Variants in RS1 observed in about 807,000 individuals in gnomAD.
RS1 encodes retinoschisin.
In RS1, 2 loss-of-function variants were observed where a neutral mutation model predicts 20.8. The ratio of observed to expected loss-of-function variants is 0.10; its 90% CI spans 0.04 to 0.30. The LOEUF is 0.30. Ranked by LOEUF, RS1 falls within the 10% of genes least tolerant of loss-of-function variation. The probability of loss-of-function intolerance (pLI) is 1.00; values close to 1 mark genes in which losing one functional copy is unlikely to be tolerated. For synonymous variants in RS1, 70 were observed against 75.8 expected (o/e 0.92, Z 0.40); for missense variants, 151 against 189.8 (o/e 0.80, Z 1.20).
chrX:18,671,638 C>T (rs1480722110), intron 1 of RS1, among the ~76,000 whole-genome samples: 1 of 111,899 alleles, frequency 8.9e-6, no homozygotes, highest in East Asian at 2.8e-4. Context: ...TTAATAGCAT[C>T]GTCCTCCACC....
Position 18,641,987 on chromosome X carries a change from C to T in RS1, c.*17G>A, listed in dbSNP as rs1002230951. On this transcript the variant is annotated 3_prime_UTR_variant, in exon 6 of 6. Coordinates refer to ENST00000379984, the MANE Select transcript of RS1 (RefSeq NM_000330.4). ...TGTGCCAGTCACCCCCTGGCAGGCG[C>T]CGAGCTGAGGCAGGCATCAGGCACA... 5.0e-6 allele frequency: 6 copies of T among 1,208,831 alleles called. No homozygotes were observed. The Admixed American group carries it at 1.3e-4, about 26-fold the overall frequency.
intron 3 of RS1, among the ~76,000 whole-genome samples, chrX:18,651,361 A>T (rs1295419643): frequency 9.1e-6 from 1 of 109,410 alleles, no homozygotes; most frequent in Non-Finnish European, 1.9e-5. Context: ...AAGCTTATGG[A>T]CCTGGAAGAT....
At chrX:18,668,238 A>G (rs1341414301) in intron 1 of RS1, among the ~76,000 whole-genome samples, 1 of 112,257 alleles carries the variant, frequency 8.9e-6, no homozygotes, top group Admixed American at 9.5e-5. Flanking sequence ...GATTTATGCA[A>G]TGTGGGCTTA....
chrX:18,647,378 A>C, intron 3 of RS1, 46 bp from the exon 4 acceptor site: 2 of 1,182,230 alleles, frequency 1.7e-6, no homozygotes, highest in Non-Finnish European at 2.3e-6. Context: ...CTCAATACTC[A>C]ACAAGCACCA....
chrX:18,641,934 G>T lies in RS1; in HGVS notation c.*70C>A. 1 of 1,083,838 alleles carries T rather than the reference G, an allele frequency of 9.2e-7. No individual in the cohort carries two copies. Among genetic ancestry groups the T allele is most frequent in the Non-Finnish European group, 1.3e-6 (1 of 794,955 alleles). The allele number at this position is 1,083,838 out of a possible 1,213,427, so 89.3% of individuals were successfully genotyped here. ...ATATAGCCCTGTCCATCTCGGTGGT[G>T]TGTGAGGGGGTCCCCTACGGCCCGC... On this transcript the variant is annotated 3_prime_UTR_variant, in exon 6 of 6. Transcript: ENST00000379984.
At chrX:18,646,249 G>A (rs1187140934) in intron 4 of RS1, among the ~76,000 whole-genome samples, 1 of 111,578 alleles carries the variant, frequency 9.0e-6, no homozygotes, top group Admixed American at 9.5e-5. Flanking sequence ...CGCCTCCCAG[G>A]TTCAAGTGAT....
rs182759983 is a variant in RS1, at chrX:18,659,951, C to A, written c.53-2286G>T. On this transcript the variant is annotated intron_variant, in intron 1 of 5. Coordinates refer to ENST00000379984, the MANE Select transcript of RS1 (RefSeq NM_000330.4). ...GGAGGGAAGGAATATCACACAGGGGCACCAACACGAATCTGAACAAACAGG... is the reference window on the plus strand; with the variant it reads ...GGAGGGAAGGAATATCACACAGGGGAACCAACACGAATCTGAACAAACAGG... Among the ~76,000 whole-genome samples, 527 of 111,742 alleles carry A rather than the reference C, an allele frequency of 4.7e-3. 7 individuals are homozygous for A. The highest frequency in any genetic ancestry group is 0.016 in the African/African-American group (495 of 30,777).
chrX:18,661,464 G>A (rs1009354662), intron 1 of RS1, among the ~76,000 whole-genome samples: 2 of 111,753 alleles, frequency 1.8e-5, no homozygotes, highest in African/African-American at 3.3e-5. Context: ...GTCTGTAGGC[G>A]GCTTGTGTTA....
intron 5 of RS1, among the ~76,000 whole-genome samples, chrX:18,642,933 T>G (rs1927638560): frequency 9.1e-6 from 1 of 110,216 alleles, no homozygotes; most frequent in African/African-American, 3.3e-5. Flanking sequence ...AAATCCCAGC[T>G]ACTCTGGAGG....
rs181481938 is a variant in RS1, at chrX:18,646,956, G to A, written c.326+235C>T. Among the ~76,000 whole-genome samples the A allele has an allele frequency of 6.7e-3, 737 of 110,323 alleles. 1 individual carries two copies. The highest frequency in any genetic ancestry group is 9.7e-3 in the Non-Finnish European group (511 of 52,784). ...TTTTGAGACAGGGTCTCACTCTGTCGCCCAGGCTGTAGTGCAGTGGTGTGA... is the reference window on the plus strand; with the variant it reads ...TTTTGAGACAGGGTCTCACTCTGTCACCCAGGCTGTAGTGCAGTGGTGTGA... On this transcript the variant is annotated intron_variant, in intron 4 of 5. Transcript: ENST00000379984.
intron 4 of RS1, chrX:18,646,202 T>A (rs1380304158): frequency 4.5e-6 from 5 of 1,105,497 alleles, no homozygotes; most frequent in Non-Finnish European, 6.1e-6. Context: ...CCCAGGCTGG[T>A]GTGCAGTGGC....
chrX:18,671,935 G>T, intron 1 of RS1, 82 bp downstream of exon 1: 1 of 797,599 alleles, frequency 1.3e-6, no homozygotes, highest in Non-Finnish European at 1.9e-6. Flanking sequence ...ATATTATTCA[G>T]GCTATATTCC....
chrX:18,648,062 C>T (rs1216066807), intron 3 of RS1, among the ~76,000 whole-genome samples: 1 of 110,804 alleles, frequency 9.0e-6, no homozygotes, highest in Non-Finnish European at 1.9e-5. Context: ...TGAGGCTGGG[C>T]ACGGTGACTC....
chrX:18,658,273 G>A (rs1057455399), intron 1 of RS1, among the ~76,000 whole-genome samples: 1 of 111,785 alleles, frequency 8.9e-6, no homozygotes, highest in Admixed American at 9.5e-5. Flanking sequence ...GAAAACACCT[G>A]TATTTTTTAC....
In RS1 at chrX:18,650,421, T is replaced by TA. The variant is rs1158418673; in HGVS notation, c.185-3090_185-3089insT. The TA allele has an allele frequency of 2.5e-6, 3 of 1,210,470 alleles. No homozygotes were observed. The highest frequency in any genetic ancestry group is 2.2e-6 in the Non-Finnish European group (2 of 895,155). On this transcript the variant is annotated intron_variant, in intron 3 of 5. Coordinates refer to ENST00000379984, the MANE Select transcript of RS1 (RefSeq NM_000330.4). ...TGAATATTTTCCAGGAGAATACTTC[T>TA]GCTGTGGTGACCCAAAGAAGCCTCA...
intron 3 of RS1, among the ~76,000 whole-genome samples, chrX:18,654,567 T>A (rs1248106716): frequency 2.7e-5 from 3 of 112,119 alleles, no homozygotes; most frequent in Non-Finnish European, 5.6e-5. Flanking sequence ...TCCTTGTCAG[T>A]GCCTGACACA....
At chrX:18,646,393 AT>A (rs1395097130) in intron 4 of RS1, among the ~76,000 whole-genome samples, 1 of 112,136 alleles carries the variant, frequency 8.9e-6, no homozygotes, top group Non-Finnish European at 1.9e-5. Flanking sequence ...ACCTCAGGTA[AT>A]CTGCCCCCCC....
At chrX:18,655,565 G>C (rs1312572685) in intron 3 of RS1, among the ~76,000 whole-genome samples, 1 of 111,849 alleles carries the variant, frequency 8.9e-6, no homozygotes, top group East Asian at 2.8e-4. Context: ...TCTACCGTGG[G>C]TAGGCAGGGA....
intron 5 of RS1, among the ~76,000 whole-genome samples, chrX:18,643,425 A>G (rs1293526213): frequency 1.8e-5 from 2 of 111,271 alleles, no homozygotes; most frequent in African/African-American, 6.5e-5. Flanking sequence ...GTCAGGAGCC[A>G]GGTGAAGAGA....
Sources: allele counts gnomAD v4.1 joint callset (sites outside exome capture counted in the v4.1 genomes callset), GRCh38; gene constraint gnomAD v4.1.1; transcripts MANE v1.5; gene names NCBI Gene and HGNC (gene_info 2026-07-23, HGNC 2026-07-21).